Variants in PCSK2 observed in about 807,000 individuals in gnomAD.
PCSK2 encodes neuroendocrine convertase 2.
In PCSK2, 14 loss-of-function variants were observed where a neutral mutation model predicts 69.7. The ratio of observed to expected loss-of-function variants is 0.20; its 90% CI spans 0.13 to 0.31. The LOEUF (loss-of-function observed/expected upper bound fraction) is 0.31. PCSK2 is among the 10% of genes least tolerant of loss of function. The probability of loss-of-function intolerance (pLI) is 1.00; values close to 1 mark genes in which losing one functional copy is unlikely to be tolerated. For missense variants in PCSK2, 544 were observed against 842.5 expected, an observed-to-expected ratio of 0.65 and a Z score of 4.39; for synonymous variants, 307 against 320.7, an observed-to-expected ratio of 0.96 and a Z score of 0.46.
At chr20:17,439,685 G>C (rs2032557103) in intron 8 of PCSK2, among the ~76,000 whole-genome samples, 1 of 152,194 alleles carries the variant, frequency 6.6e-6, no homozygotes, top group Non-Finnish European at 1.5e-5. Context: ...GCATCTCACT[G>C]GACAAAAATT....
chr20:17,301,409 A>G (rs190301961), intron 2 of PCSK2, among the ~76,000 whole-genome samples: 2 of 152,336 alleles, frequency 1.3e-5, no homozygotes, highest in African/African-American at 2.4e-5. Flanking sequence ...GTAAAAAAGC[A>G]GTGGTTTGAA....
rs1164266992 is a variant in PCSK2, at chr20:17,480,184, C to CTTTTTTTTTTTTTTTTTT, written c.1431-1394_1431-1377dup. On this transcript the variant is annotated intron_variant, in intron 11 of 11. Transcript: ENST00000262545. ...ATTAATTTACCCATTTTCAGCTTTT[C>CTTTTTTTTTTTTTTTTTT]TTTTTTTTTTTTTTTTTTTTTTTGA... is the stretch of plus-strand genomic sequence containing the variant. Among the ~76,000 whole-genome samples the CTTTTTTTTTTTTTTTTTT allele has an allele frequency of 5.9e-3, 457 of 76,980 alleles. 23 individuals are homozygous for CTTTTTTTTTTTTTTTTTT. The highest frequency in any genetic ancestry group is 8.0e-3 in the Non-Finnish European group (340 of 42,476). The allele number at this position is 76,980 out of a possible 152,430, so 50.5% of individuals were successfully genotyped here.
intron 2 of PCSK2, among the ~76,000 whole-genome samples, chr20:17,338,707 G>A (rs1429992797): frequency 6.6e-6 from 1 of 152,098 alleles, no homozygotes; most frequent in African/African-American, 2.4e-5. Context: ...GTGAGAGAGG[G>A]GTCATTCCCA....
At chr20:17,302,841 G>A (rs2123092114) in intron 2 of PCSK2, among the ~76,000 whole-genome samples, 1 of 152,242 alleles carries the variant, frequency 6.6e-6, no homozygotes, top group African/African-American at 2.4e-5. Flanking sequence ...TATGTTGTTG[G>A]TGTTGTTATT....
chr20:17,394,507 T>A (rs1000382109), intron 5 of PCSK2, among the ~76,000 whole-genome samples: 2 of 151,852 alleles, frequency 1.3e-5, no homozygotes, highest in African/African-American at 4.8e-5. Context: ...CACTGCAGAG[T>A]GTCATGTGAG....
intron 1 of PCSK2, among the ~76,000 whole-genome samples, chr20:17,234,519 A>C (rs1486644993): frequency 6.6e-6 from 1 of 152,204 alleles, no homozygotes; most frequent in Non-Finnish European, 1.5e-5. Context: ...GCAAGTGGGC[A>C]ACTGGCATGC....
At chr20:17,303,113 C>T (rs1394669810) in intron 2 of PCSK2, among the ~76,000 whole-genome samples, 2 of 148,992 alleles carry the variant, frequency 1.3e-5, no homozygotes, top group Non-Finnish European at 3.0e-5. Context: ...TTGCTTTTTC[C>T]TATATTGTTC....
At chr20:17,319,371 C>G (rs1194301932) in intron 2 of PCSK2, among the ~76,000 whole-genome samples, 3 of 152,160 alleles carry the variant, frequency 2.0e-5, no homozygotes, top group African/African-American at 7.2e-5. Context: ...CAGAGGCAAT[C>G]AGCTGATGGT....
chr20:17,288,986 A>G (rs1188603398), intron 2 of PCSK2, among the ~76,000 whole-genome samples: 2 of 152,206 alleles, frequency 1.3e-5, no homozygotes, highest in Non-Finnish European at 2.9e-5. Flanking sequence ...GTGCAGTACT[A>G]TTAATAGATT....
At chr20:17,334,285 G>A (rs1290716416) in intron 2 of PCSK2, among the ~76,000 whole-genome samples, 1 of 152,104 alleles carries the variant, frequency 6.6e-6, no homozygotes, top group Non-Finnish European at 1.5e-5. Context: ...ACTGGAATGA[G>A]AAATTACCGG....
rs1224156436 is a variant in PCSK2, at chr20:17,447,269, T to C, written c.886-6473T>C. On this transcript the variant is annotated intron_variant, in intron 8 of 11. Transcript: ENST00000262545. ...CTGGGTGACAGAGCTATACTCTGTC[T>C]CAAAAAAAAAAAAAAATCTATGAAA... 6.5e-5 allele frequency among the ~76,000 whole-genome samples: 3 copies of C among 45,890 alleles called. No individual in the cohort carries two copies. The East Asian group carries it at 1.8e-3, about 28-fold the overall frequency. 30.1% of individuals were successfully genotyped at this position (45,890 alleles called of 152,430 possible). A position where few individuals can be genotyped will look rare whatever the true frequency, so the allele number is the denominator to read the frequency against.
In PCSK2 at chr20:17,304,438, A is replaced by C. The variant is rs1022943507; in HGVS notation, c.282+44094A>C. ...CATTCTTTAATCAGCTTTTCAATCC[A>C]TGATTTCTTATCTTTTTAAGAGCCA... On this transcript the variant is annotated intron_variant, in intron 2 of 11. Transcript: ENST00000262545. Among the ~76,000 whole-genome samples the C allele has an allele frequency of 3.3e-5, 5 of 152,196 alleles. No homozygotes were observed. In the South Asian group the frequency reaches 1.0e-3, roughly 32 times the overall value.
chr20:17,269,875 C>A (rs924502625), intron 2 of PCSK2, among the ~76,000 whole-genome samples: 10 of 152,064 alleles, frequency 6.6e-5, no homozygotes, highest in African/African-American at 2.4e-4. Flanking sequence ...AAAGAAAAAA[C>A]CTTACCCTCC....
chr20:17,398,523 C>CAA (rs36062712), intron 5 of PCSK2, among the ~76,000 whole-genome samples: 8,701 of 84,370 alleles, frequency 0.1, 728 homozygotes, highest in Non-Finnish European at 0.14. Flanking sequence ...GATCCTGTCT[C>CAA]AAAAAAAAAA....
chr20:17,249,504 C>CAA lies in PCSK2; in HGVS notation c.178-10718_178-10717dup, dbSNP rs56315843. On this transcript the variant is annotated intron_variant, in intron 1 of 11. Transcript: ENST00000262545. ...ACTGGGAGAGAGCGAGACTCTGTCT[C>CAA]AAAAAAAAAAAAAAAAAAAGTTGCA... 8.8e-3 allele frequency among the ~76,000 whole-genome samples: 981 copies of CAA among 111,710 alleles called. 17 individuals carry two copies. The highest frequency in any genetic ancestry group is 0.023 in the African/African-American group (648 of 28,270). 73.3% of individuals were successfully genotyped at this position (111,710 alleles called of 152,430 possible).
intron 5 of PCSK2, among the ~76,000 whole-genome samples, chr20:17,388,942 A>G (rs2031305359): frequency 6.6e-6 from 1 of 152,142 alleles, no homozygotes; most frequent in Non-Finnish European, 1.5e-5. Flanking sequence ...TCTGAGTGAC[A>G]ACGGGTGCTT....
intron 5 of PCSK2, among the ~76,000 whole-genome samples, chr20:17,371,011 C>T (rs1040843448): frequency 2.0e-5 from 3 of 152,190 alleles, no homozygotes; most frequent in African/African-American, 7.2e-5. Flanking sequence ...TCCACAGTTC[C>T]CTCCATCTCC....
At chr20:17,460,807 A>G (rs1333873918) in intron 10 of PCSK2, among the ~76,000 whole-genome samples, 1 of 152,192 alleles carries the variant, frequency 6.6e-6, no homozygotes, top group Non-Finnish European at 1.5e-5. Context: ...AACTTCTGAT[A>G]TATGTGATAT....
chr20:17,285,462 G>T (rs1376376866), intron 2 of PCSK2, among the ~76,000 whole-genome samples: 1 of 152,222 alleles, frequency 6.6e-6, no homozygotes, highest in Non-Finnish European at 1.5e-5. Context: ...TAGGTTTGGT[G>T]ATGTAGAACT....
Sources: gnomAD v4.1 joint callset for allele counts (sites outside exome capture counted in the v4.1 genomes callset) on GRCh38, gnomAD v4.1.1 for gene constraint, MANE v1.5 for transcripts, NCBI Gene and HGNC (gene_info 2026-07-23, HGNC 2026-07-21) for gene names.